The following GPR155 variants were observed in gnomAD, a reference collection of about 807,000 sequenced individuals.
The protein encoded by GPR155 is G protein-coupled receptor 155, also known as lysosomal cholesterol signaling protein.
Under a neutral mutation model 93.1 loss-of-function variants are expected in GPR155, and 65 were observed. That is an observed-to-expected ratio of 0.70 (90% CI 0.57 to 0.86). GPR155 has a LOEUF of 0.86. Ranked by LOEUF, GPR155 falls within the 40% of genes least tolerant of loss-of-function variation. The pLI is 0.00. For missense variants in GPR155, 838 were observed against 1,034.8 expected (o/e 0.81, Z 2.61); for synonymous variants, 319 against 360.1 (o/e 0.89, Z 1.29).
intron 14 of GPR155, among the ~76,000 whole-genome samples, chr2:174,440,467 A>G (rs763537397): frequency 7.2e-5 from 11 of 152,176 alleles, no homozygotes; most frequent in Non-Finnish European, 1.2e-4. Flanking sequence ...AAACTGGAGT[A>G]CGAAACAGTT....
chr2:174,448,530 GT>G (rs565221876), intron 11 of GPR155, among the ~76,000 whole-genome samples: 11 of 100,964 alleles, frequency 1.1e-4, no homozygotes, highest in African/African-American at 4.1e-4. Context: ...TTTGTTTTTT[GT>G]TTTTTTTTTT....
rs1394017337 is a variant in GPR155 at position 174,460,020 on chromosome 2, G to C, written c.1629C>G (p.Asn543Lys). The C allele has an allele frequency of 6.2e-7, 1 of 1,613,924 alleles. No individual in the cohort carries two copies. Among genetic ancestry groups the C allele is most frequent in the Admixed American group, 1.7e-5 (1 of 59,980 alleles). Reference protein sequence around the residue: ...LIAGISLMCMNQTAQAGSYEG... With the variant: ...LIAGISLMCMKQTAQAGSYEG... ...CATAGCTTCCTGCTTGGGCAGTCTG[G>C]TTCATGCACATGAGGGATATGCCAG... Residue 543 changes from asparagine to lysine, a missense_variant, in exon 10 of 16, where the codon AAC (asparagine) becomes AAG (lysine). Physicochemically the swap from Asn to Lys is moderately conservative, Grantham distance 94. Around this residue, in one of 3 missense-constraint regions of GPR155, gnomAD observed 663 missense variants for 790.1 expected, o/e 0.84. Transcript: ENST00000392552.
intron 11 of GPR155, among the ~76,000 whole-genome samples, chr2:174,452,477 A>G (rs1226857520): frequency 1.3e-5 from 2 of 152,244 alleles, no homozygotes; most frequent in Non-Finnish European, 2.9e-5. Flanking sequence ...TACAGTTGAC[A>G]TAGGCCTTAT....
chr2:174,472,064 A>G (rs1426167205), intron 3 of GPR155, among the ~76,000 whole-genome samples: 1 of 152,198 alleles, frequency 6.6e-6, no homozygotes, highest in East Asian at 1.9e-4. Context: ...CTGCACCATC[A>G]TGTAGAACTC....
At chr2:174,439,179 C>T (rs1478668190) in intron 15 of GPR155, among the ~76,000 whole-genome samples, 1 of 151,644 alleles carries the variant, frequency 6.6e-6, no homozygotes, top group Non-Finnish European at 1.5e-5. Flanking sequence ...ATAAATTATC[C>T]TCCATATGAA....
intron 1 of GPR155, among the ~76,000 whole-genome samples, chr2:174,486,020 G>A (rs541590182): frequency 6.6e-6 from 1 of 152,314 alleles, no homozygotes; most frequent in South Asian, 2.1e-4. Context: ...AAAATGCGGG[G>A]GGAAGGCGAG....
At chr2:174,452,872 G>T (rs1044831740) in intron 11 of GPR155, among the ~76,000 whole-genome samples, 2 of 152,092 alleles carry the variant, frequency 1.3e-5, no homozygotes, top group Non-Finnish European at 2.9e-5. Flanking sequence ...GGCTGGTCTC[G>T]AACTCCTGAC....
At chr2:174,459,595 A>C (rs13018651) in intron 10 of GPR155, among the ~76,000 whole-genome samples, 27,687 of 152,246 alleles carry the variant, frequency 0.18, 3,071 homozygotes, top group Middle Eastern at 0.38. Context: ...CTGTAATCCC[A>C]GCACTGTGGG....
chr2:174,473,258 T>A lies in GPR155; in HGVS notation c.567A>T (p.Glu189Asp). The A allele has an allele frequency of 6.2e-7, 1 of 1,613,664 alleles. No individual in the cohort carries two copies. The highest frequency in any genetic ancestry group is 2.2e-5 in the East Asian group (1 of 44,862). Reference protein sequence around the residue: ...MLNPIGFIFCEIQKWKDTQNA... With the variant: ...MLNPIGFIFCDIQKWKDTQNA... ...TTTGAGTGTCTTTCCACTTTTGGAT[T>A]TCACAGAAAATAAACCCTATAGGGT... The change falls in exon 3 of 16, where the codon GAA (glutamate) becomes GAT (aspartate). Residue 189 changes from glutamate to aspartate, a missense_variant. Glu to Asp is a conservative substitution (Grantham distance 45). Transcript: ENST00000392552.
In GPR155 at chr2:174,454,674, G is replaced by A. The variant is rs1308757620; in HGVS notation, c.1772-833C>T. ...GGAGGGAAGAAGGGAAGGAGGGAAGGAGGGAGGGAGGGAAGGAAGGGAAAG... is the reference window on the plus strand; with the variant it reads ...GGAGGGAAGAAGGGAAGGAGGGAAGAAGGGAGGGAGGGAAGGAAGGGAAAG... On this transcript the variant is annotated intron_variant, in intron 10 of 15. Coordinates refer to ENST00000392552, the MANE Select transcript of GPR155 (RefSeq NM_152529.7). Among the ~76,000 whole-genome samples, 5 of 142,230 alleles carry A rather than the reference G, an allele frequency of 3.5e-5. No individual in the cohort carries two copies. In the South Asian group the frequency reaches 8.9e-4, roughly 25 times the overall value. The allele number at this position is 142,230 out of a possible 152,430, so 93.3% of individuals were successfully genotyped here.
chr2:174,459,937 T>C lies in GPR155; in HGVS notation c.1712A>G (p.Glu571Gly). Residue 571 changes from glutamate to glycine, a missense_variant, in exon 10 of 16, where the codon GAG becomes GGG. By Grantham distance (98) the Glu-to-Gly change is moderately conservative. Coordinates refer to ENST00000392552, the MANE Select transcript of GPR155 (RefSeq NM_152529.7). ...KVVEPGNTAF[E>G]ESPAPVNEPE... is the part of the protein sequence containing the mutation. Reference sequence around the variant, plus strand: ...TTCATTTACTGGTGCTGGACTCTCCTCAAAAGCAGTATTTCCAGGCTCCAC... The same window carrying C: ...TTCATTTACTGGTGCTGGACTCTCCCCAAAAGCAGTATTTCCAGGCTCCAC... The C allele has an allele frequency of 6.2e-7, 1 of 1,614,136 alleles. No homozygotes were observed. The highest frequency in any genetic ancestry group is 8.5e-7 in the Non-Finnish European group (1 of 1,179,982).
Position 174,459,938 on chromosome 2 carries a change from C to T in GPR155, c.1711G>A (p.Glu571Lys). The T allele has an allele frequency of 6.2e-7, 1 of 1,614,086 alleles. No individual in the cohort carries two copies. The highest frequency in any genetic ancestry group is 8.5e-7 in the Non-Finnish European group (1 of 1,179,978). ...KVVEPGNTAFEESPAPVNEPE... is the reference protein window; with the variant it reads ...KVVEPGNTAFKESPAPVNEPE... ...TCATTTACTGGTGCTGGACTCTCCTCAAAAGCAGTATTTCCAGGCTCCACC... is the reference window on the plus strand; with the variant it reads ...TCATTTACTGGTGCTGGACTCTCCTTAAAAGCAGTATTTCCAGGCTCCACC... Residue 571 changes from glutamate (E) to lysine (K), a missense_variant, in exon 10 of 16, where the codon GAG becomes AAG. Physicochemically the swap from Glu to Lys is moderately conservative, Grantham distance 56 (BLOSUM62 1). Around this residue, in one of 3 missense-constraint regions of GPR155, gnomAD observed 663 missense variants for 790.1 expected, o/e 0.84. Coordinates refer to ENST00000392552, the MANE Select transcript of GPR155 (RefSeq NM_152529.7).
chr2:174,484,811 C>T (rs1219853986), intron 1 of GPR155, among the ~76,000 whole-genome samples: 1 of 152,156 alleles, frequency 6.6e-6, no homozygotes, highest in African/African-American at 2.4e-5. Flanking sequence ...GTTGTCCCAG[C>T]TACCTGGGAG....
chr2:174,478,110 G>A (rs901224029), intron 2 of GPR155, among the ~76,000 whole-genome samples: 3 of 152,158 alleles, frequency 2.0e-5, no homozygotes, highest in African/African-American at 7.2e-5. Flanking sequence ...TTTAATGACA[G>A]GCAGGGAACC....
intron 1 of GPR155, among the ~76,000 whole-genome samples, chr2:174,482,332 T>C (rs981692267): frequency 3.5e-4 from 54 of 152,300 alleles, no homozygotes; most frequent in African/African-American, 1.3e-3. Context: ...CCAGTGATTC[T>C]CTCCATCAAT....
intron 9 of GPR155, among the ~76,000 whole-genome samples, chr2:174,460,995 A>T (rs1687675524): frequency 6.6e-6 from 1 of 152,134 alleles, no homozygotes; most frequent in Admixed American, 6.6e-5. Flanking sequence ...CCCACAAGCC[A>T]CCTACTCTAT....
intron 11 of GPR155, 69 bp downstream of exon 11, chr2:174,453,668 G>C (rs12614979): frequency 2.0e-6 from 1 of 511,706 alleles, no homozygotes. Flanking sequence ...TCAAAAAAAA[G>C]AAAAAAAAAA....
chr2:174,482,482 C>T (rs970866574), intron 1 of GPR155, among the ~76,000 whole-genome samples: 3 of 152,230 alleles, frequency 2.0e-5, no homozygotes, highest in Admixed American at 6.5e-5. Context: ...CCTTTCCAGC[C>T]CGTGGTCATA....
At chr2:174,438,204 C>T (rs536299180) in intron 15 of GPR155, among the ~76,000 whole-genome samples, 246 of 152,132 alleles carry the variant, frequency 1.6e-3, no homozygotes, top group African/African-American at 5.6e-3. Context: ...CACTGCACTC[C>T]AGCCTGGGCG....
Sources: allele counts gnomAD v4.1 joint callset (sites outside exome capture counted in the v4.1 genomes callset), GRCh38; gene constraint gnomAD v4.1.1; regional missense constraint gnomAD v4.1.1; transcripts MANE v1.5; gene names NCBI Gene and HGNC (gene_info 2026-07-23, HGNC 2026-07-21).